Variants in B4GALNT3 observed in about 807,000 individuals in gnomAD.
The protein encoded by B4GALNT3 is beta-1,4-N-acetylgalactosaminyltransferase 3.
Under a neutral mutation model 120.2 loss-of-function variants are expected in B4GALNT3, and 86 were observed. The observed-to-expected ratio is 0.72, with a 90% confidence interval of 0.60 to 0.86. B4GALNT3 has a LOEUF of 0.86. Among genes scored for constraint, B4GALNT3 ranks in the 40% least tolerant of loss-of-function variants. The pLI is 0.00. For missense variants in B4GALNT3, 1,167 were observed against 1,298.9 expected (o/e 0.90, Z 1.56); for synonymous variants, 518 against 510.4 (o/e 1.01, Z -0.20).
chr12:560,291 C>T (rs1346206818), intron 19 of B4GALNT3, among the ~76,000 whole-genome samples: 1 of 152,170 alleles, frequency 6.6e-6, no homozygotes, highest in Admixed American at 6.5e-5. Context: ...CGAAGACACG[C>T]TCACTTCTTC....
chr12:531,976 TA>T (rs66894536), intron 1 of B4GALNT3, among the ~76,000 whole-genome samples: 8 of 149,466 alleles, frequency 5.4e-5, no homozygotes, highest in African/African-American at 9.8e-5. Context: ...TATTTTTCTT[TA>T]AAAAAAAAAG....
At chr12:464,079 C>G (rs12311956) in intron 1 of B4GALNT3, among the ~76,000 whole-genome samples, 2 of 152,098 alleles carry the variant, frequency 1.3e-5, no homozygotes, top group South Asian at 2.1e-4. Context: ...GCTGCTGGGT[C>G]GTGAAGCTGT....
rs1408952637 is a variant in B4GALNT3 at position 548,185 on chromosome 12, C to T, written c.787-46C>T. On this transcript the variant is annotated intron_variant, in intron 8 of 19. Transcript: ENST00000266383. This position sits in a 1 kb window ranked among gnomAD's most constrained non-coding sequence, Gnocchi z 4.9. ...TGTCCCTTGACCCCTGTTGGAAATC[C>T]AGCTACCTCCCACCTTCTGCATCTA... is the stretch of plus-strand genomic sequence containing the variant. 1 of 1,609,482 alleles carries T rather than the reference C, an allele frequency of 6.2e-7. No individual in the cohort carries two copies. Among genetic ancestry groups the T allele is most frequent in the Non-Finnish European group, 8.5e-7 (1 of 1,175,872 alleles).
intron 7 of B4GALNT3, 117 bp from the exon 8 acceptor site, chr12:547,907 T>C: frequency 2.3e-6 from 2 of 861,358 alleles, no homozygotes; most frequent in South Asian, 1.5e-5. Context: ...CTCCTGGCAT[T>C]CTAAGAGCAA....
chr12:535,611 G>C (rs1416146902), intron 2 of B4GALNT3, among the ~76,000 whole-genome samples: 1 of 152,224 alleles, frequency 6.6e-6, no homozygotes, highest in Non-Finnish European at 1.5e-5. Context: ...ACTAGGGTGA[G>C]GGCTGGGCTG....
rs1214276237 is a variant in B4GALNT3, at chr12:548,950, C to G, written c.853+653C>G. ...AAAAAACCCTCTGAGCGAGTCCAATCCCCTATTTTCCAGATGAGGTAACCA... is the reference window on the plus strand; with the variant it reads ...AAAAAACCCTCTGAGCGAGTCCAATGCCCTATTTTCCAGATGAGGTAACCA... On this transcript the variant is annotated intron_variant, in intron 9 of 19. Coordinates refer to ENST00000266383, the MANE Select transcript of B4GALNT3 (RefSeq NM_173593.4). The surrounding 1 kb of genome is among the most constrained non-coding windows in gnomAD (Gnocchi z 4.9). Among the ~76,000 whole-genome samples the G allele has an allele frequency of 1.3e-5, 2 of 152,142 alleles. No homozygotes were observed. Among genetic ancestry groups the G allele is most frequent in the East Asian group, 3.8e-4 (2 of 5,200 alleles).
At chr12:493,464 G>T (rs1030239302) in intron 1 of B4GALNT3, among the ~76,000 whole-genome samples, 1 of 152,188 alleles carries the variant, frequency 6.6e-6, no homozygotes, top group African/African-American at 2.4e-5. Context: ...ATTCATTGCT[G>T]GTGGGAATGC....
At chr12:539,589 A>G (rs1247275454) in intron 3 of B4GALNT3, among the ~76,000 whole-genome samples, 2 of 151,966 alleles carry the variant, frequency 1.3e-5, no homozygotes. Context: ...TTCACATACC[A>G]TACACTTCAC....
At chr12:491,065 A>G (rs1946335586) in intron 1 of B4GALNT3, among the ~76,000 whole-genome samples, 1 of 152,190 alleles carries the variant, frequency 6.6e-6, no homozygotes, top group African/African-American at 2.4e-5. Flanking sequence ...ACCCAGACAA[A>G]GACCTTACAA....
intron 18 of B4GALNT3, 141 bp downstream of exon 18, chr12:558,802 C>T (rs541650521): frequency 2.0e-4 from 188 of 918,612 alleles, no homozygotes; most frequent in South Asian, 1.4e-4. Context: ...CTTCACTCCC[C>T]GGAAAACTCA....
At chr12:555,883 A>G (rs1356911258) in intron 14 of B4GALNT3, among the ~76,000 whole-genome samples, 2 of 151,696 alleles carry the variant, frequency 1.3e-5, no homozygotes, top group Admixed American at 6.6e-5. Context: ...TCCCGGGTTC[A>G]CGCCATTCTC....
rs1247064456 is a variant in B4GALNT3, at chr12:460,057, G to A, written c.-320G>A. Reference sequence around the variant, plus strand: ...TCCTTCTGGGCAGCGAGTGAGGGCGGGCGCGCAGGGAGGGAGGGCGGCAGC... The same window carrying A: ...TCCTTCTGGGCAGCGAGTGAGGGCGAGCGCGCAGGGAGGGAGGGCGGCAGC... On this transcript the variant is annotated 5_prime_UTR_variant, in exon 1 of 20. Transcript: ENST00000266383. This position sits in a 1 kb window ranked among gnomAD's most constrained non-coding sequence, Gnocchi z 8.0. Among the ~76,000 whole-genome samples, 4 of 151,028 alleles carry A rather than the reference G, an allele frequency of 2.6e-5. No homozygotes were observed. Among genetic ancestry groups the A allele is most frequent in the Non-Finnish European group, 4.4e-5 (3 of 67,518 alleles).
chr12:546,486 T>C (rs576159147), intron 6 of B4GALNT3, among the ~76,000 whole-genome samples, 160 bp from the exon 7 acceptor site: 6 of 152,052 alleles, frequency 3.9e-5, no homozygotes, highest in African/African-American at 9.7e-5. Flanking sequence ...ACTCCTTCAC[T>C]CCCTTCTGTT....
At position 553,610 on chromosome 12, in the gene B4GALNT3, AACC is replaced by A; in HGVS notation, c.1689_1691del (p.Asn563_Gln564delinsLys). ...CAGCCCCAGGAAGACTCAGTGGCTG[AACC>A]AGGTGGAGTCGTACATCGCAGAGCA... On this transcript the variant is annotated inframe_deletion, in exon 14 of 20. Transcript: ENST00000266383. The A allele has an allele frequency of 1.2e-6, 2 of 1,614,024 alleles. No individual in the cohort carries two copies. Among genetic ancestry groups the A allele is most frequent in the East Asian group, 4.5e-5 (2 of 44,892 alleles).
intron 1 of B4GALNT3, among the ~76,000 whole-genome samples, chr12:478,918 T>G (rs1448529271): frequency 6.6e-6 from 1 of 152,232 alleles, no homozygotes; most frequent in Non-Finnish European, 1.5e-5. Context: ...TCTGGGAAGG[T>G]GTCCTTATGG....
At chr12:543,281 C>T (rs1204058563) in intron 3 of B4GALNT3, 13 of 1,124,890 alleles carry the variant, frequency 1.2e-5, no homozygotes, top group Middle Eastern at 2.3e-4. Flanking sequence ...AGAGGAGCAC[C>T]GGCCCCTTTC....
rs1555155160 is a variant in B4GALNT3, at chr12:512,269, T to TCTTCCAC, written c.170-22878_170-22872dup. 5.1e-3 allele frequency among the ~76,000 whole-genome samples: 172 copies of TCTTCCAC among 33,690 alleles called. 9 individuals carry two copies. The East Asian group carries it at 0.092, about 18-fold the overall frequency. 22.1% of individuals were successfully genotyped at this position (33,690 alleles called of 152,430 possible). A position where few individuals can be genotyped will look rare whatever the true frequency, so the allele number is the denominator to read the frequency against. On this transcript the variant is annotated intron_variant, in intron 1 of 19. Transcript: ENST00000266383. ...CACCTTCTTCCACCTTCTTCCACCT[T>TCTTCCAC]CTTCCACCTTCCACCTTCCACCTTC...
chr12:494,124 G>A (rs911826553), intron 1 of B4GALNT3, among the ~76,000 whole-genome samples: 4 of 151,898 alleles, frequency 2.6e-5, no homozygotes, highest in African/African-American at 9.7e-5. Context: ...ACAAAAATTA[G>A]CTGGGTGTGG....
In B4GALNT3 at chr12:502,221, C is replaced by T. The variant is rs11063301; in HGVS notation, c.170-32945C>T. Among the ~76,000 whole-genome samples, 152 of 152,204 alleles carry T rather than the reference C, an allele frequency of 1.0e-3. 1 individual carries two copies. Among genetic ancestry groups the T allele is most frequent in the Middle Eastern group, 6.8e-3 (2 of 294 alleles). ...AGGGTGTTCTCCATTGCATTCCCCC[C>T]GGGCATGGACCCAGTTGGCTGACCT... On this transcript the variant is annotated intron_variant, in intron 1 of 19. Transcript: ENST00000266383.
Sources: gnomAD v4.1 joint callset for allele counts (sites outside exome capture counted in the v4.1 genomes callset) on GRCh38, gnomAD v4.1.1 for gene constraint, Gnocchi (gnomAD v3.1) non-coding constraint, MANE v1.5 for transcripts, NCBI Gene and HGNC (gene_info 2026-07-23, HGNC 2026-07-21) for gene names.